Variants in TENM2 observed in about 807,000 individuals in gnomAD.
TENM2 encodes teneurin-2.
In TENM2, 52 loss-of-function variants were observed where a neutral mutation model predicts 245.2. The ratio of observed to expected loss-of-function variants is 0.21; its 90% CI spans 0.17 to 0.27. The LOEUF is 0.27. Among genes scored for constraint, TENM2 ranks in the 10% least tolerant of loss-of-function variants. The pLI is 1.00. For missense variants in TENM2, 3,046 were observed against 3,666.8 expected (o/e 0.83, Z 4.37); for synonymous variants, 1,363 against 1,438.9 (o/e 0.95, Z 1.19).
At chr5:167,190,407 G>A in the TENM2 span, among the ~76,000 whole-genome samples, 1 of 152,054 alleles carries the variant, frequency 6.6e-6, no homozygotes, top group Non-Finnish European at 1.5e-5. Flanking sequence ...TCATTGAGAT[G>A]TGGGTCATAG....
Position 167,646,273 on chromosome 5 carries a change from T to C in TENM2, c.503-229713T>C, listed in dbSNP as rs1030733123. The stretch of plus-strand genomic sequence containing the variant: ...ATGAAAAACAACAAAAATCCTTTCC[T>C]GTGTCACTCCAGGTAATGGGTTTCA... On this transcript the variant is annotated intron_variant, in intron 2 of 28. Transcript: ENST00000518659. 3.4e-5 allele frequency among the ~76,000 whole-genome samples: 5 copies of C among 147,938 alleles called. No homozygotes were observed. In the East Asian group the frequency reaches 1.0e-3, roughly 30 times the overall value.
chr5:168,253,653 C>T (rs1185257460), intron 27 of TENM2, among the ~76,000 whole-genome samples: 1 of 151,964 alleles, frequency 6.6e-6, no homozygotes, highest in South Asian at 2.1e-4. Flanking sequence ...TCTCGATCTC[C>T]TGACCTTGTG....
At chr5:168,186,039 A>G (rs1271532517) in intron 13 of TENM2, 1 of 148,134 alleles carries the variant, frequency 6.8e-6, no homozygotes, top group Non-Finnish European at 1.5e-5. Flanking sequence ...TCATCACATA[A>G]CCCTATGGCA....
chr5:167,279,900 T>C (rs1051161521), upstream of TENM2, among the ~76,000 whole-genome samples: 2 of 152,208 alleles, frequency 1.3e-5, no homozygotes, highest in African/African-American at 2.4e-5. Flanking sequence ...CGTTGGCATC[T>C]ATTGAATGCG....
chr5:166,981,871 G>A, the TENM2 span, among the ~76,000 whole-genome samples: 1 of 151,972 alleles, frequency 6.6e-6, no homozygotes, highest in Non-Finnish European at 1.5e-5. Flanking sequence ...CTACATTTTG[G>A]GTGTGATACC....
the TENM2 span, among the ~76,000 whole-genome samples, chr5:167,059,708 C>CTTTTTT: frequency 2.1e-5 from 3 of 142,794 alleles, no homozygotes; most frequent in Non-Finnish European, 4.5e-5. Context: ...AAGTAAATGT[C>CTTTTTT]TTTTTTTTTT....
exon 27 of TENM2, chr5:168,248,098 A>C: frequency 6.2e-7 from 1 of 1,613,978 alleles, no homozygotes. Context: ...CCTCATGATC[A>C]AACAGCTGCA....
chr5:167,707,697 G>C (rs143157940), intron 2 of TENM2, among the ~76,000 whole-genome samples: 1 of 152,142 alleles, frequency 6.6e-6, no homozygotes, highest in Non-Finnish European at 1.5e-5. Context: ...CCTGAATGCC[G>C]TCTAGAATCC....
At position 168,244,254 on chromosome 5, in the gene TENM2, A is replaced by G. The variant is rs749288795; in HGVS notation, c.5521-166A>G. ...ACCCGGCCAAATTTTGCCATTTTCT[A>G]TCTGTGCCATGATAAGGAGCTTAGA... is the stretch of plus-strand genomic sequence containing the variant. On this transcript the variant is annotated intron_variant, in intron 25 of 28. Coordinates refer to ENST00000518659, the Ensembl canonical transcript of TENM2. This position sits in a 1 kb window ranked among gnomAD's most constrained non-coding sequence, Gnocchi z 4.9. 2.0e-5 allele frequency among the ~76,000 whole-genome samples: 3 copies of G among 152,012 alleles called. No homozygotes were observed. The highest frequency in any genetic ancestry group is 4.4e-5 in the Non-Finnish European group (3 of 67,992).
In TENM2 at chr5:167,997,388, T is replaced by G. The variant is rs80053252; in HGVS notation, c.1186+4206T>G. On this transcript the variant is annotated intron_variant, in intron 5 of 28. Transcript: ENST00000518659. ...TTAGCAAGGTAGAGTAGTTGGTTCC[T>G]GCTTCCTGAATCATCTTCTAACGCA... Among the ~76,000 whole-genome samples, 51 of 152,374 alleles carry G rather than the reference T, an allele frequency of 3.3e-4. No homozygotes were observed. In the East Asian group the frequency reaches 8.5e-3, roughly 25 times the overall value.
At chr5:167,315,265 A>G (rs1245334346) in intron 1 of TENM2, among the ~76,000 whole-genome samples, 2 of 152,148 alleles carry the variant, frequency 1.3e-5, no homozygotes, top group Non-Finnish European at 2.9e-5. Context: ...ATAGGATTTG[A>G]TGGCATCATT....
intron 9 of TENM2, among the ~76,000 whole-genome samples, chr5:168,106,773 G>A (rs1019771009): frequency 1.3e-5 from 2 of 152,174 alleles, no homozygotes; most frequent in African/African-American, 4.8e-5. Flanking sequence ...TGAAACAAAA[G>A]CCCCTGGCCA....
At chr5:167,608,398 G>A (rs1430321132) in intron 2 of TENM2, among the ~76,000 whole-genome samples, 2 of 152,166 alleles carry the variant, frequency 1.3e-5, no homozygotes, top group Non-Finnish European at 2.9e-5. Context: ...TAGGCCATGT[G>A]CACCACCAAT....
chr5:167,172,813 A>G, the TENM2 span, among the ~76,000 whole-genome samples: 1 of 152,024 alleles, frequency 6.6e-6, no homozygotes, highest in Non-Finnish European at 1.5e-5. Flanking sequence ...ATTGGGTCTC[A>G]CCGAGTTGCT....
At chr5:167,868,464 TGC>T (rs1287709203) in intron 2 of TENM2, among the ~76,000 whole-genome samples, 1 of 151,872 alleles carries the variant, frequency 6.6e-6, no homozygotes, top group Non-Finnish European at 1.5e-5. Context: ...GCTGACCGGG[TGC>T]AGTGGCTCAC....
the TENM2 span, among the ~76,000 whole-genome samples, chr5:167,082,784 T>G: frequency 6.6e-6 from 1 of 152,112 alleles, no homozygotes; most frequent in Non-Finnish European, 1.5e-5. Flanking sequence ...TTTTTAAAAA[T>G]TAATTTATTT....
intron 3 of TENM2, among the ~76,000 whole-genome samples, chr5:167,886,155 C>T (rs1365767647): frequency 1.3e-5 from 2 of 152,142 alleles, no homozygotes; most frequent in Non-Finnish European, 2.9e-5. Context: ...ATTATTATCC[C>T]TGTTGTACAG....
chr5:167,420,316 G>A (rs1298199002), intron 2 of TENM2, among the ~76,000 whole-genome samples: 1 of 152,154 alleles, frequency 6.6e-6, no homozygotes, highest in African/African-American at 2.4e-5. Flanking sequence ...CAAGCTTTCT[G>A]GGACCAAATA....
intron 2 of TENM2, among the ~76,000 whole-genome samples, chr5:167,556,962 T>C (rs1019806361): frequency 6.6e-6 from 1 of 152,232 alleles, no homozygotes; most frequent in African/African-American, 2.4e-5. Context: ...ATAATGTCAA[T>C]TAGGGATTCT....
Sources: allele counts gnomAD v4.1 joint callset (sites outside exome capture counted in the v4.1 genomes callset), GRCh38; gene constraint gnomAD v4.1.1; non-coding constraint Gnocchi (gnomAD v3.1); transcripts MANE v1.5; gene names NCBI Gene and HGNC (gene_info 2026-07-23, HGNC 2026-07-21).